TAFA5: variants seen among roughly 807,000 people sequenced by gnomAD.
TAFA5 encodes chemokine-like protein TAFA-5.
A neutral mutation model predicts 15.3 loss-of-function variants in TAFA5; 6 were observed. The ratio of observed to expected loss-of-function variants is 0.39; its 90% CI spans 0.21 to 0.77. The LOEUF is 0.77. TAFA5 is among the 30% of genes least tolerant of loss of function. The pLI, the probability that TAFA5 is intolerant of heterozygous loss-of-function variation, is 0.41. For synonymous variants in TAFA5, 103 were observed against 80.7 expected, an observed-to-expected ratio of 1.28 and a Z score of -1.48; for missense variants, 161 against 193.1, an observed-to-expected ratio of 0.83 and a Z score of 0.98.
At chr22:48,565,028 T>C (rs1456087831) in intron 1 of TAFA5, among the ~76,000 whole-genome samples, 7 of 152,248 alleles carry the variant, frequency 4.6e-5, no homozygotes, top group Non-Finnish European at 8.8e-5. Context: ...TGCTCTGCAC[T>C]CTGCCTTCTC....
chr22:48,750,061 CG>C lies in TAFA5; in HGVS notation c.*220del, dbSNP rs890779163. 7 of 595,558 alleles carry C rather than the reference CG, an allele frequency of 1.2e-5. No homozygotes were observed. Among genetic ancestry groups the C allele is most frequent in the African/African-American group, 3.7e-5 (2 of 53,536 alleles). 36.9% of individuals were successfully genotyped at this position (595,558 alleles called of 1,614,324 possible). On this transcript the variant is annotated 3_prime_UTR_variant, in exon 4 of 4. Transcript: ENST00000402357. ...AGGAGGCCGGACTCAGACACATAGGCGGGGGGCGGCACCTGGCATCAGCAAT... is the reference window on the plus strand; with the variant it reads ...AGGAGGCCGGACTCAGACACATAGGCGGGGGCGGCACCTGGCATCAGCAAT...
intron 1 of TAFA5, among the ~76,000 whole-genome samples, chr22:48,542,650 G>GTGGT (rs1555886630): frequency 0.018 from 975 of 54,196 alleles, 16 homozygotes; most frequent in African/African-American, 0.069. Flanking sequence ...GTGTGTGTGT[G>GTGGT]GTGTGTGTGT....
intron 3 of TAFA5, among the ~76,000 whole-genome samples, chr22:48,719,665 T>C (rs1929510429): frequency 6.6e-6 from 1 of 152,226 alleles, no homozygotes; most frequent in Non-Finnish European, 1.5e-5. Flanking sequence ...TGGCCAGAAG[T>C]GGCCGGGGAC....
chr22:48,648,393 C>G lies in TAFA5; in HGVS notation c.262+1647C>G, dbSNP rs1238771119. 3.3e-5 allele frequency among the ~76,000 whole-genome samples: 5 copies of G among 152,138 alleles called. No homozygotes were observed. The East Asian group carries it at 9.7e-4, about 29-fold the overall frequency. ...CAGGAGCCTGACGTGGGCAGCCTTG[C>G]CCGTGTGCTGTGATTGAGAACACGG... is the stretch of plus-strand genomic sequence containing the variant. On this transcript the variant is annotated intron_variant, in intron 2 of 3. Coordinates refer to ENST00000402357, the MANE Select transcript of TAFA5 (RefSeq NM_001082967.3).
At chr22:48,697,509 A>G (rs1928752643) in intron 2 of TAFA5, among the ~76,000 whole-genome samples, 1 of 151,092 alleles carries the variant, frequency 6.6e-6, no homozygotes, top group African/African-American at 2.4e-5. Context: ...AGGTTATGAT[A>G]ATGACATTGA....
At position 48,664,756 on chromosome 22, in the gene TAFA5, C is replaced by T. The variant is rs533611547; in HGVS notation, c.262+18010C>T. ...CCTCGTTACGTCTGTGAGAGCCGCCCGTGCTGTCATGTGTGGTGACAATCT... is the reference window on the plus strand; with the variant it reads ...CCTCGTTACGTCTGTGAGAGCCGCCTGTGCTGTCATGTGTGGTGACAATCT... On this transcript the variant is annotated intron_variant, in intron 2 of 3. Transcript: ENST00000402357. 1.6e-4 allele frequency among the ~76,000 whole-genome samples: 25 copies of T among 152,228 alleles called. No homozygotes were observed. In the South Asian group the frequency reaches 3.7e-3, roughly 23 times the overall value.
chr22:48,556,693 T>C (rs921420474), intron 1 of TAFA5, among the ~76,000 whole-genome samples: 2 of 152,128 alleles, frequency 1.3e-5, no homozygotes, highest in African/African-American at 2.4e-5. Context: ...AGGTGGTTCC[T>C]GCAGTCCGAC....
chr22:48,716,640 C>A (rs568677883), intron 3 of TAFA5, among the ~76,000 whole-genome samples: 5 of 152,300 alleles, frequency 3.3e-5, no homozygotes, highest in African/African-American at 1.2e-4. Flanking sequence ...ACCTATGTAA[C>A]AAACCTGCAC....
chr22:48,656,577 G>A lies in TAFA5; in HGVS notation c.262+9831G>A, dbSNP rs559570918. ...TTATACTGAAACCAAAAATATCCAC[G>A]TGAACACACTAAAAAAAGAAGAGTA... On this transcript the variant is annotated intron_variant, in intron 2 of 3. Coordinates refer to ENST00000402357, the MANE Select transcript of TAFA5 (RefSeq NM_001082967.3). Among the ~76,000 whole-genome samples the A allele has an allele frequency of 8.6e-5, 13 of 151,786 alleles. 1 individual carries two copies. The highest frequency in any genetic ancestry group is 3.1e-4 in the African/African-American group (13 of 41,392).
chr22:48,669,335 G>A (rs1486107186), intron 2 of TAFA5, among the ~76,000 whole-genome samples: 7 of 152,250 alleles, frequency 4.6e-5, no homozygotes, highest in African/African-American at 1.7e-4. Flanking sequence ...TCGCCTGCAG[G>A]GAAACCCAGA....
At chr22:48,536,466 C>T (rs958887611) in intron 1 of TAFA5, among the ~76,000 whole-genome samples, 2 of 152,212 alleles carry the variant, frequency 1.3e-5, no homozygotes, top group East Asian at 3.9e-4. Flanking sequence ...AACGAGCGCG[C>T]ACCGCCCGTG....
intron 3 of TAFA5, among the ~76,000 whole-genome samples, chr22:48,744,487 C>A (rs1041438835): frequency 6.6e-6 from 1 of 152,126 alleles, no homozygotes; most frequent in African/African-American, 2.4e-5. Flanking sequence ...CCGTGTGGTT[C>A]GTGGGATTGG....
chr22:48,641,718 C>T (rs193059877), intron 1 of TAFA5, among the ~76,000 whole-genome samples: 612 of 152,136 alleles, frequency 4.0e-3, no homozygotes, highest in South Asian at 0.023. Context: ...CCCTCGGAGG[C>T]CCCCGGTCCA....
At chr22:48,651,530 G>A (rs1355321541) in intron 2 of TAFA5, among the ~76,000 whole-genome samples, 1 of 152,190 alleles carries the variant, frequency 6.6e-6, no homozygotes, top group East Asian at 1.9e-4. Context: ...GCACTGCCGG[G>A]TTCTGGGCAG....
At chr22:48,654,604 A>C (rs1927172839) in intron 2 of TAFA5, among the ~76,000 whole-genome samples, 1 of 152,236 alleles carries the variant, frequency 6.6e-6, no homozygotes, top group Admixed American at 6.5e-5. Flanking sequence ...CCCTCTGCCA[A>C]GTGCAGGCCT....
rs1922881582 is a variant in TAFA5, at chr22:48,552,232, C to T, written c.112+62528C>T. Among the ~76,000 whole-genome samples, 1 of 152,158 alleles carries T rather than the reference C, an allele frequency of 6.6e-6. No individual in the cohort carries two copies. The highest frequency in any genetic ancestry group is 6.5e-5 in the Admixed American group (1 of 15,284). ...TGTGGAGAAGGGTCCACACTTGCCT[C>T]CTGTGGGCCAGCTGCCTTTGCTTGC... On this transcript the variant is annotated intron_variant, in intron 1 of 3. Coordinates refer to ENST00000402357, the MANE Select transcript of TAFA5 (RefSeq NM_001082967.3). This position sits in a 1 kb window ranked among gnomAD's most constrained non-coding sequence, Gnocchi z 4.1.
Position 48,566,722 on chromosome 22 carries a change from G to C in TAFA5, c.112+77018G>C, listed in dbSNP as rs748885587. Among the ~76,000 whole-genome samples, 14 of 152,208 alleles carry C rather than the reference G, an allele frequency of 9.2e-5. No individual in the cohort carries two copies. The highest frequency in any genetic ancestry group is 1.8e-4 in the Non-Finnish European group (12 of 68,030). ...CCTAAGAAGGTTGTGAGAACTAAAC[G>C]GGGTGAGGTGTGTAAAGGGTGTGGC... is the stretch of plus-strand genomic sequence containing the variant. On this transcript the variant is annotated intron_variant, in intron 1 of 3. Transcript: ENST00000402357. This position sits in a 1 kb window ranked among gnomAD's most constrained non-coding sequence, Gnocchi z 4.5.
intron 3 of TAFA5, among the ~76,000 whole-genome samples, chr22:48,711,441 C>T (rs773532512): frequency 6.6e-5 from 10 of 151,890 alleles, no homozygotes; most frequent in Non-Finnish European, 1.0e-4. Context: ...CCAGGTATCT[C>T]GGGAGAAGTC....
chr22:48,511,959 T>C (rs1921230309), intron 1 of TAFA5, among the ~76,000 whole-genome samples: 1 of 152,222 alleles, frequency 6.6e-6, no homozygotes, highest in Non-Finnish European at 1.5e-5. Context: ...TCCTCACCAT[T>C]GCTAGGCTGA....
Sources: gnomAD v4.1 joint callset for allele counts (sites outside exome capture counted in the v4.1 genomes callset) on GRCh38, gnomAD v4.1.1 for gene constraint, Gnocchi (gnomAD v3.1) non-coding constraint, MANE v1.5 for transcripts, NCBI Gene and HGNC (gene_info 2026-07-23, HGNC 2026-07-21) for gene names.